The following ADTRP variants were observed in gnomAD, a reference collection of about 807,000 sequenced individuals.
ADTRP encodes the protein androgen dependent TFPI regulating protein.
ADTRP carries 20 observed loss-of-function variants against 27.0 expected under a neutral mutation model. That is an observed-to-expected ratio of 0.74 (90% confidence interval 0.52 to 1.08). The LOEUF is 1.08. Among genes scored for constraint, ADTRP ranks in the 50% least tolerant of loss-of-function variants. The pLI is 0.00. For missense variants in ADTRP, 251 were observed against 275.0 expected (o/e 0.91, Z 0.62); for synonymous variants, 101 against 105.2 (o/e 0.96, Z 0.25).
intron 4 of ADTRP, among the ~76,000 whole-genome samples, chr6:11,730,170 C>A (rs1429414923): frequency 6.6e-6 from 1 of 152,186 alleles, no homozygotes; most frequent in African/African-American, 2.4e-5. Context: ...AGTTTGGATC[C>A]TGGCTGGGCT....
At chr6:11,765,319 G>GTTTTTTTTTTTTTTTTTTTTTTTTTTTTT (rs770169717) in intron 3 of ADTRP, among the ~76,000 whole-genome samples, 1 of 112,524 alleles carries the variant, frequency 8.9e-6, no homozygotes. Context: ...CTTTCCCCTG[G>GTTTTTTTTTTTTTTTTTTTTTTTTTTTTT]TTTGTTTTTT....
intron 5 of ADTRP, among the ~76,000 whole-genome samples, chr6:11,721,657 ACAGT>A (rs796926808): frequency 1.3e-3 from 192 of 152,314 alleles, no homozygotes; most frequent in African/African-American, 4.4e-3. Flanking sequence ...AGAGGTAAGT[ACAGT>A]CATTTACAAT....
intron 1 of ADTRP, among the ~76,000 whole-genome samples, chr6:11,769,728 T>TA (rs370650765): frequency 0.011 from 1,550 of 141,558 alleles, 24 homozygotes; most frequent in African/African-American, 0.035. Context: ...AAATAAAAGT[T>TA]AAAAAAAAAA....
At chr6:11,763,358 T>C (rs1380454854) in intron 3 of ADTRP, among the ~76,000 whole-genome samples, 1 of 152,200 alleles carries the variant, frequency 6.6e-6, no homozygotes, top group Non-Finnish European at 1.5e-5. Context: ...GCATCATAAA[T>C]GGCAATGGGG....
chr6:11,742,755 A>G (rs974995085), intron 3 of ADTRP, among the ~76,000 whole-genome samples: 1 of 152,200 alleles, frequency 6.6e-6, no homozygotes, highest in Admixed American at 6.5e-5. Flanking sequence ...CAATCAAGTG[A>G]AGGAGATGCT....
At chr6:11,751,762 T>G (rs1763062934) in intron 3 of ADTRP, among the ~76,000 whole-genome samples, 1 of 152,254 alleles carries the variant, frequency 6.6e-6, no homozygotes, top group Non-Finnish European at 1.5e-5. Flanking sequence ...TGGGGAAATC[T>G]GCTCTAGTGT....
chr6:11,756,356 A>C (rs1361773799), intron 3 of ADTRP, among the ~76,000 whole-genome samples: 2 of 144,202 alleles, frequency 1.4e-5, no homozygotes, highest in Non-Finnish European at 1.5e-5. Flanking sequence ...TAATAATAAT[A>C]ATTTAATGGT....
chr6:11,776,003 T>C (rs1000763349), intron 1 of ADTRP, among the ~76,000 whole-genome samples: 1 of 152,034 alleles, frequency 6.6e-6, no homozygotes, highest in Middle Eastern at 3.2e-3. Flanking sequence ...TAATTAGTCA[T>C]GAATGAACAC....
intron 3 of ADTRP, among the ~76,000 whole-genome samples, chr6:11,751,966 G>A (rs548020789): frequency 1.3e-3 from 191 of 152,254 alleles, no homozygotes; most frequent in African/African-American, 4.4e-3. Context: ...GTTAATTTTT[G>A]GGTCTTCTTT....
chr6:11,771,545 T>A (rs1334878417), intron 1 of ADTRP, among the ~76,000 whole-genome samples: 1 of 152,212 alleles, frequency 6.6e-6, no homozygotes, highest in Non-Finnish European at 1.5e-5. Context: ...ACGGTCTGCT[T>A]ATTCTCCAAA....
At chr6:11,722,194 A>G (rs1045952916) in intron 5 of ADTRP, among the ~76,000 whole-genome samples, 2 of 151,934 alleles carry the variant, frequency 1.3e-5, no homozygotes, top group African/African-American at 4.8e-5. Context: ...AATTTTTAGT[A>G]TTCCATTTTT....
At chr6:11,729,412 C>A (rs1762315376) in intron 4 of ADTRP, among the ~76,000 whole-genome samples, 1 of 152,184 alleles carries the variant, frequency 6.6e-6, no homozygotes, top group Non-Finnish European at 1.5e-5. Flanking sequence ...AGCCTCTCTG[C>A]CTTCAGGGCC....
At chr6:11,775,866 G>A (rs761443876) in intron 1 of ADTRP, among the ~76,000 whole-genome samples, 3 of 152,194 alleles carry the variant, frequency 2.0e-5, no homozygotes, top group Non-Finnish European at 4.4e-5. Context: ...AGCTGTTTAC[G>A]AGGAGGGGTG....
At chr6:11,746,519 T>C (rs1363545541) in intron 3 of ADTRP, among the ~76,000 whole-genome samples, 1 of 152,046 alleles carries the variant, frequency 6.6e-6, no homozygotes, top group African/African-American at 2.4e-5. Flanking sequence ...TTGTGACAAT[T>C]AAAGCTGTCT....
chr6:11,757,424 G>A (rs1223999347), intron 3 of ADTRP, among the ~76,000 whole-genome samples: 2 of 152,084 alleles, frequency 1.3e-5, no homozygotes, highest in Non-Finnish European at 2.9e-5. Context: ...CTGACCCCAC[G>A]TCTGTTTCTC....
chr6:11,747,802 A>T lies in ADTRP; in HGVS notation c.391-12119T>A, dbSNP rs562735118. Reference sequence around the variant, plus strand: ...ATCACAGGCTTTCACAGAGACAGAAAGGGGCTGTTTCTTTTTTCAACTGTT... The same window carrying T: ...ATCACAGGCTTTCACAGAGACAGAATGGGGCTGTTTCTTTTTTCAACTGTT... On this transcript the variant is annotated intron_variant, in intron 3 of 5. Transcript: ENST00000414691. 2.6e-5 allele frequency among the ~76,000 whole-genome samples: 4 copies of T among 152,256 alleles called. No homozygotes were observed. The East Asian group carries it at 7.7e-4, about 29-fold the overall frequency.
At chr6:11,734,899 C>T (rs1407359397) in intron 4 of ADTRP, among the ~76,000 whole-genome samples, 1 of 152,190 alleles carries the variant, frequency 6.6e-6, no homozygotes, top group Admixed American at 6.5e-5. Context: ...TCAGAAGGAA[C>T]AAAAGCATGG....
chr6:11,774,066 T>C (rs972564096), intron 1 of ADTRP, among the ~76,000 whole-genome samples: 6 of 152,134 alleles, frequency 3.9e-5, no homozygotes, highest in African/African-American at 1.2e-4. Flanking sequence ...CCCAGCACTT[T>C]GGGAGGCCAA....
intron 3 of ADTRP, chr6:11,738,646 G>A (rs1561753049): frequency 6.6e-6 from 1 of 152,242 alleles, no homozygotes; most frequent in Non-Finnish European, 1.5e-5. Context: ...TAGTGTGTTC[G>A]CGTTAGGAGT....
Sources: gnomAD v4.1 joint callset for allele counts (sites outside exome capture counted in the v4.1 genomes callset) on GRCh38, gnomAD v4.1.1 for gene constraint, MANE v1.5 for transcripts, NCBI Gene and HGNC (gene_info 2026-07-23, HGNC 2026-07-21) for gene names.